Variants in KCNIP4 observed in about 807,000 individuals in gnomAD.
The protein encoded by KCNIP4 is potassium voltage-gated channel interacting protein 4.
In KCNIP4, 12 loss-of-function variants were observed where a neutral mutation model predicts 34.0. The observed-to-expected ratio is 0.35, with a 90% confidence interval of 0.23 to 0.57. KCNIP4 has a LOEUF of 0.57. KCNIP4 is among the 20% of genes least tolerant of loss of function. The probability of loss-of-function intolerance (pLI) is 0.83; values close to 1 mark genes in which losing one functional copy is unlikely to be tolerated. For synonymous variants in KCNIP4, 124 were observed against 102.2 expected, an observed-to-expected ratio of 1.21 and a Z score of -1.29; for missense variants, 238 against 311.7, an observed-to-expected ratio of 0.76 and a Z score of 1.78.
At chr4:21,544,586 T>A (rs568958166) in intron 1 of KCNIP4, 1 of 152,310 alleles carries the variant, frequency 6.6e-6, no homozygotes, top group African/African-American at 2.4e-5. Flanking sequence ...CATTGCTAGC[T>A]GTCAAACCGG....
chr4:21,787,373 T>C (rs6827303), intron 1 of KCNIP4, among the ~76,000 whole-genome samples: 17,379 of 152,160 alleles, frequency 0.11, 2,972 homozygotes, highest in African/African-American at 0.37. Flanking sequence ...TTCATTCCAG[T>C]TTGTCAAACT....
intron 1 of KCNIP4, among the ~76,000 whole-genome samples, chr4:20,891,052 A>G (rs1436505629): frequency 6.6e-6 from 1 of 152,222 alleles, no homozygotes; most frequent in Non-Finnish European, 1.5e-5. Context: ...TGAAAGTGGT[A>G]ATTTCACCAT....
At chr4:21,927,357 C>T (rs1443295154) in intron 1 of KCNIP4, among the ~76,000 whole-genome samples, 2 of 152,144 alleles carry the variant, frequency 1.3e-5, no homozygotes, top group African/African-American at 4.8e-5. Flanking sequence ...TCTTTGGAGG[C>T]CCTTTAGTCT....
At chr4:21,830,391 C>A (rs182972035) in intron 1 of KCNIP4, among the ~76,000 whole-genome samples, 1 of 152,000 alleles carries the variant, frequency 6.6e-6, no homozygotes, top group African/African-American at 2.4e-5. Context: ...TAGTAGGAAA[C>A]TGGCCAGGCA....
chr4:21,041,061 C>T (rs1045760851), intron 1 of KCNIP4, among the ~76,000 whole-genome samples: 1 of 151,988 alleles, frequency 6.6e-6, no homozygotes, highest in African/African-American at 2.4e-5. Flanking sequence ...CCCAACATCC[C>T]TTTCACATCT....
At chr4:21,695,640 T>A (rs1443176227) in intron 1 of KCNIP4, among the ~76,000 whole-genome samples, 1 of 152,134 alleles carries the variant, frequency 6.6e-6, no homozygotes, top group Non-Finnish European at 1.5e-5. Flanking sequence ...ACTTACCATT[T>A]TCGTAAAATT....
At chr4:21,153,320 TATAG>T (rs1704468712) in intron 1 of KCNIP4, among the ~76,000 whole-genome samples, 1 of 152,128 alleles carries the variant, frequency 6.6e-6, no homozygotes, top group Admixed American at 6.6e-5. Context: ...TCATATTTTG[TATAG>T]ATAGATGACA....
intron 1 of KCNIP4, among the ~76,000 whole-genome samples, chr4:21,299,433 C>A (rs1764030470): frequency 6.6e-6 from 1 of 151,940 alleles, no homozygotes; most frequent in Non-Finnish European, 1.5e-5. Flanking sequence ...AAAAGATGAA[C>A]CATAAGAGAC....
rs1368768566 is a variant in KCNIP4 at position 21,948,731 on chromosome 4, G to A, written c.-100C>T. On this transcript the variant is annotated 5_prime_UTR_variant, in exon 1 of 9. Transcript: ENST00000382152. ...GGAGCGCACCGCCGCTCGGCCCGGG[G>A]GCGTCCGTGGCGCTGGGAGCGAGAG... 1 of 1,278,528 alleles carries A rather than the reference G, an allele frequency of 7.8e-7. No individual in the cohort carries two copies. The highest frequency in any genetic ancestry group is 1.0e-6 in the Non-Finnish European group (1 of 996,908). 79.2% of individuals were successfully genotyped at this position (1,278,528 alleles called of 1,614,324 possible).
At chr4:21,487,594 G>A (rs1263084029) in intron 1 of KCNIP4, among the ~76,000 whole-genome samples, 1 of 152,140 alleles carries the variant, frequency 6.6e-6, no homozygotes, top group Non-Finnish European at 1.5e-5. Context: ...ATCTCTGTGA[G>A]GTTAGGAAAT....
At chr4:21,697,656 G>C (rs1230944781) in intron 1 of KCNIP4, 1 of 1,298,922 alleles carries the variant, frequency 7.7e-7, no homozygotes, top group Admixed American at 4.2e-5. Context: ...AGGGAGGTGA[G>C]AAAACACGGC....
At chr4:21,543,299 C>T (rs1490220928) in intron 1 of KCNIP4, among the ~76,000 whole-genome samples, 1 of 152,060 alleles carries the variant, frequency 6.6e-6, no homozygotes, top group Admixed American at 6.6e-5. Flanking sequence ...TAGAATGTTA[C>T]TCTTTTAATT....
chr4:21,730,414 G>T (rs1160410593), intron 1 of KCNIP4, among the ~76,000 whole-genome samples: 1 of 152,120 alleles, frequency 6.6e-6, no homozygotes, highest in East Asian at 1.9e-4. Flanking sequence ...GTATAGCCCA[G>T]TGTTGGTGCA....
chr4:21,755,619 T>C (rs374672111), intron 1 of KCNIP4, among the ~76,000 whole-genome samples: 9 of 152,202 alleles, frequency 5.9e-5, no homozygotes, highest in East Asian at 5.8e-4. Flanking sequence ...GGAGGTATAG[T>C]GGCACCCATA....
At chr4:21,590,761 T>C (rs1742139138) in intron 1 of KCNIP4, among the ~76,000 whole-genome samples, 1 of 151,990 alleles carries the variant, frequency 6.6e-6, no homozygotes, top group Non-Finnish European at 1.5e-5. Flanking sequence ...TATTGTTTTG[T>C]AGAGAAGGGA....
intron 1 of KCNIP4, among the ~76,000 whole-genome samples, chr4:21,269,321 C>T (rs907303174): frequency 7.2e-5 from 11 of 152,174 alleles, no homozygotes; most frequent in African/African-American, 1.7e-4. Flanking sequence ...AAGTGTGATG[C>T]GGACTATAGC....
chr4:21,798,478 G>A (rs1720771143), intron 1 of KCNIP4, among the ~76,000 whole-genome samples: 1 of 129,118 alleles, frequency 7.7e-6, no homozygotes, highest in South Asian at 2.5e-4. Flanking sequence ...GGGAGGCTGA[G>A]CACTCCAGCC....
At chr4:21,521,118 G>A (rs79389732) in intron 1 of KCNIP4, among the ~76,000 whole-genome samples, 17,771 of 152,056 alleles carry the variant, frequency 0.12, 1,188 homozygotes, top group East Asian at 0.32. Flanking sequence ...GAAACACAGT[G>A]CTCCTTCCAC....
chr4:20,754,206 G>GT (rs752045593), intron 4 of KCNIP4, among the ~76,000 whole-genome samples: 3 of 152,060 alleles, frequency 2.0e-5, no homozygotes, highest in Non-Finnish European at 4.4e-5. Flanking sequence ...GTTCAATCCA[G>GT]TTTTTTCTGA....
Sources: allele counts gnomAD v4.1 joint callset (sites outside exome capture counted in the v4.1 genomes callset), GRCh38; gene constraint gnomAD v4.1.1; transcripts MANE v1.5; gene names NCBI Gene and HGNC (gene_info 2026-07-23, HGNC 2026-07-21).